Variants in SPAG9 observed in about 807,000 individuals in gnomAD.
SPAG9 encodes sperm associated antigen 9.
In SPAG9, 35 loss-of-function variants were observed where a neutral mutation model predicts 166.5. That is an observed-to-expected ratio of 0.21 (90% CI 0.16 to 0.28). The LOEUF (loss-of-function observed/expected upper bound fraction) is 0.28. Ranked by LOEUF, SPAG9 falls within the 10% of genes least tolerant of loss-of-function variation. SPAG9 has a pLI of 1.00. For synonymous variants in SPAG9, 534 were observed against 565.5 expected (o/e 0.94, Z 0.79); for missense variants, 1,235 against 1,603.3 (o/e 0.77, Z 3.92).
chr17:50,981,483 A>AAGATAGATAGATAGAT (rs71353692), intron 25 of SPAG9, among the ~76,000 whole-genome samples: 27 of 143,938 alleles, frequency 1.9e-4, no homozygotes, highest in African/African-American at 1.8e-4. Context: ...TACACAGATA[A>AAGATAGATAGATAGAT]AGATAGATAG....
intron 3 of SPAG9, among the ~76,000 whole-genome samples, chr17:51,055,036 A>AT (rs1482955266): frequency 1.3e-5 from 2 of 152,108 alleles, no homozygotes; most frequent in African/African-American, 4.8e-5. Flanking sequence ...GTATTAAAAC[A>AT]TTTTTTTAAA....
At chr17:51,077,791 C>CG (rs1449398399) in intron 2 of SPAG9, among the ~76,000 whole-genome samples, 2 of 152,180 alleles carry the variant, frequency 1.3e-5, no homozygotes, top group East Asian at 3.9e-4. Flanking sequence ...GCTAGGACTA[C>CG]GGGTGCGCAC....
intron 19 of SPAG9, among the ~76,000 whole-genome samples, chr17:50,991,273 CA>C (rs1358732314): frequency 6.7e-6 from 1 of 149,780 alleles, no homozygotes; most frequent in African/African-American, 2.4e-5. Flanking sequence ...CAACATCAGC[CA>C]AAAAAAAATT....
intron 3 of SPAG9, 60 bp from the exon 4 acceptor site, chr17:51,047,529 A>G (rs1234619187): frequency 5.1e-6 from 4 of 779,446 alleles, no homozygotes; most frequent in Admixed American, 5.0e-5. Flanking sequence ...ATAAAATCAT[A>G]GTGTTATAAC....
chr17:51,030,479 A>C (rs1325983116), intron 6 of SPAG9, among the ~76,000 whole-genome samples: 1 of 152,132 alleles, frequency 6.6e-6, no homozygotes, highest in Non-Finnish European at 1.5e-5. Context: ...TTATACCTAC[A>C]TTTCTTTCTC....
At chr17:51,076,465 G>A (rs1326768326) in intron 2 of SPAG9, among the ~76,000 whole-genome samples, 1 of 151,916 alleles carries the variant, frequency 6.6e-6, no homozygotes, top group Admixed American at 6.6e-5. Context: ...GCTGGGCGCA[G>A]TGGCTCACAC....
intron 6 of SPAG9, among the ~76,000 whole-genome samples, chr17:51,021,708 C>T (rs80209535): frequency 6.6e-6 from 1 of 152,166 alleles, no homozygotes; most frequent in South Asian, 2.1e-4. Flanking sequence ...TACTTTAGAA[C>T]ATTTAGAACA....
chr17:51,056,549 G>C, intron 2 of SPAG9, 67 bp from the exon 3 acceptor site: 1 of 972,246 alleles, frequency 1.0e-6, no homozygotes, highest in Non-Finnish European at 1.6e-6. Context: ...GTACATGTTA[G>C]ACTCAGAATG....
chr17:51,065,048 G>A (rs1465614020), intron 2 of SPAG9, among the ~76,000 whole-genome samples: 1 of 152,174 alleles, frequency 6.6e-6, no homozygotes, highest in South Asian at 2.1e-4. Flanking sequence ...GCTTGAATCT[G>A]GGAGGCGAAG....
At chr17:51,119,033 C>CAAA (rs3079111) in intron 1 of SPAG9, among the ~76,000 whole-genome samples, 23,688 of 95,798 alleles carry the variant, frequency 0.25, 3,083 homozygotes, top group Non-Finnish European at 0.32. Flanking sequence ...GACTACGTCT[C>CAAA]AAAAAAAAAA....
chr17:51,076,588 T>C (rs1158384510), intron 2 of SPAG9, among the ~76,000 whole-genome samples: 1 of 151,566 alleles, frequency 6.6e-6, no homozygotes, highest in Non-Finnish European at 1.5e-5. Flanking sequence ...ATACAAAAAT[T>C]AGCTAGGCAT....
intron 1 of SPAG9, among the ~76,000 whole-genome samples, chr17:51,100,853 G>C (rs1231831703): frequency 6.6e-6 from 1 of 151,784 alleles, no homozygotes; most frequent in South Asian, 2.1e-4. Context: ...TGGCGGGGCA[G>C]AGGTTGCGGT....
intron 19 of SPAG9, 84 bp from the exon 20 acceptor site, chr17:50,990,752 G>A (rs1975475137): frequency 9.1e-7 from 1 of 1,095,030 alleles, no homozygotes; most frequent in Non-Finnish European, 1.4e-6. Context: ...GGTTTGAAAT[G>A]AGAGTTATGC....
intron 2 of SPAG9, among the ~76,000 whole-genome samples, chr17:51,065,777 G>A (rs1374210919): frequency 6.6e-6 from 1 of 152,152 alleles, no homozygotes; most frequent in Non-Finnish European, 1.5e-5. Flanking sequence ...AGTGATGTGT[G>A]CTACTCCTAG....
At chr17:51,098,406 AT>A (rs77854122) in intron 1 of SPAG9, among the ~76,000 whole-genome samples, 45,112 of 151,212 alleles carry the variant, frequency 0.3, 6,790 homozygotes, top group Admixed American at 0.36. Context: ...ACCCTGAGTG[AT>A]TTTTTTTTCC....
chr17:50,999,589 C>A, intron 14 of SPAG9, 72 bp downstream of exon 14: 1 of 1,490,440 alleles, frequency 6.7e-7, no homozygotes, highest in Non-Finnish European at 9.1e-7. Flanking sequence ...TAAAATCATT[C>A]TTGGAAATAA....
intron 1 of SPAG9, among the ~76,000 whole-genome samples, chr17:51,111,363 G>C (rs965748397): frequency 7.2e-5 from 11 of 152,134 alleles, no homozygotes; most frequent in Non-Finnish European, 4.4e-5. Context: ...ACTTGGGTAG[G>C]TTCTAACATC....
Position 50,989,191 on chromosome 17 carries a change from C to T in SPAG9, c.2813+486G>A, listed in dbSNP as rs558110339. Among the ~76,000 whole-genome samples the T allele has an allele frequency of 9.2e-5, 14 of 152,308 alleles. No individual in the cohort carries two copies. In the South Asian group the frequency reaches 2.9e-3, roughly 32 times the overall value. ...ACAAGATTATACTACTATATTTCTA[C>T]AGTACCTTGTGCATGTTTACATACA... is the stretch of plus-strand genomic sequence containing the variant. On this transcript the variant is annotated intron_variant, in intron 21 of 29. Transcript: ENST00000262013.
At chr17:51,097,060 G>C (rs983676344) in intron 1 of SPAG9, among the ~76,000 whole-genome samples, 1 of 152,232 alleles carries the variant, frequency 6.6e-6, no homozygotes, top group African/African-American at 2.4e-5. Flanking sequence ...AGGTGAAGTT[G>C]ATCACCAATG....
Sources: gnomAD v4.1 joint callset for allele counts (sites outside exome capture counted in the v4.1 genomes callset) on GRCh38, gnomAD v4.1.1 for gene constraint, MANE v1.5 for transcripts, NCBI Gene and HGNC (gene_info 2026-07-23, HGNC 2026-07-21) for gene names.